PIK3C3: variants seen among roughly 807,000 people sequenced by gnomAD.
The protein encoded by PIK3C3 is phosphatidylinositol 3-kinase catalytic subunit type 3, also known as PI3-kinase type 3.
A neutral mutation model predicts 126.1 loss-of-function variants in PIK3C3; 95 were observed. The observed-to-expected ratio is 0.75, with a 90% CI of 0.64 to 0.89. PIK3C3 has a LOEUF of 0.89. PIK3C3 is among the 40% of genes least tolerant of loss of function. The pLI, the probability that PIK3C3 is intolerant of heterozygous loss-of-function variation, is 0.00. For missense variants in PIK3C3, 829 were observed against 1,063.2 expected, an observed-to-expected ratio of 0.78 and a Z score of 3.06; for synonymous variants, 374 against 360.0, an observed-to-expected ratio of 1.04 and a Z score of -0.44.
chr18:42,034,213 A>T lies in PIK3C3; in HGVS notation c.1839+256A>T, dbSNP rs145896195. 1.8e-3 allele frequency among the ~76,000 whole-genome samples: 271 copies of T among 151,932 alleles called. 3 individuals carry two copies. The highest frequency in any genetic ancestry group is 6.3e-3 in the African/African-American group (263 of 41,460). On this transcript the variant is annotated intron_variant, in intron 16 of 24. Transcript: ENST00000262039. The stretch of plus-strand genomic sequence containing the variant: ...TCTCTGGGTTGTTTTTTAATATTTA[A>T]TTTTTTTATTGTTTTATTTTTGTAG...
intron 4 of PIK3C3, among the ~76,000 whole-genome samples, chr18:41,976,303 CAT>C (rs1980918401): frequency 6.6e-6 from 1 of 151,618 alleles, no homozygotes; most frequent in South Asian, 2.1e-4. Flanking sequence ...GTTTTATGTA[CAT>C]GTAGAAGTCC....
chr18:42,006,715 G>C (rs111428207), intron 10 of PIK3C3, among the ~76,000 whole-genome samples: 11 of 152,172 alleles, frequency 7.2e-5, no homozygotes, highest in African/African-American at 2.6e-4. Flanking sequence ...ATAACAGCAT[G>C]ATATTTTACT....
chr18:42,015,165 A>G (rs1983013791), intron 11 of PIK3C3, among the ~76,000 whole-genome samples: 2 of 152,312 alleles, frequency 1.3e-5, no homozygotes, highest in Middle Eastern at 6.8e-3. Flanking sequence ...AATCTTGGCC[A>G]GATATGTTTG....
At chr18:42,021,190 T>G (rs1199870743) in intron 13 of PIK3C3, among the ~76,000 whole-genome samples, 1 of 152,186 alleles carries the variant, frequency 6.6e-6, no homozygotes, top group East Asian at 1.9e-4. Flanking sequence ...TCTACTGCTT[T>G]GCCATTTTCA....
At chr18:42,072,248 A>T (rs912055080) in intron 24 of PIK3C3, among the ~76,000 whole-genome samples, 3 of 152,168 alleles carry the variant, frequency 2.0e-5, no homozygotes, top group Admixed American at 6.5e-5. Flanking sequence ...CCAACTTTTT[A>T]AAAAATGGGA....
chr18:42,076,121 TGCGCATATATATATATATATATGCGC>T (rs1568013573), intron 24 of PIK3C3, among the ~76,000 whole-genome samples: 1 of 55,234 alleles, frequency 1.8e-5, no homozygotes, highest in Non-Finnish European at 3.5e-5. Flanking sequence ...TATATATATA[TGCGCATATATATATATATATATGCGC>T]ATATATATAT....
At position 41,955,237 on chromosome 18, in the gene PIK3C3, T is replaced by C. The variant is rs1241740528; in HGVS notation, c.-55T>C. 160 of 1,458,994 alleles carry C rather than the reference T, an allele frequency of 1.1e-4. No homozygotes were observed. Among genetic ancestry groups the C allele is most frequent in the Non-Finnish European group, 1.5e-4 (159 of 1,046,004 alleles). 90.4% of individuals were successfully genotyped at this position (1,458,994 alleles called of 1,614,324 possible). On this transcript the variant is annotated 5_prime_UTR_variant, in exon 1 of 25. Transcript: ENST00000262039. Reference sequence around the variant, plus strand: ...GTGGGGCTCAGCTGGTTCATTTATGTTGTTTTTCCTGTACCTAAGTTCCCG... The same window carrying C: ...GTGGGGCTCAGCTGGTTCATTTATGCTGTTTTTCCTGTACCTAAGTTCCCG...
chr18:41,986,678 A>G (rs190291594), intron 4 of PIK3C3, among the ~76,000 whole-genome samples: 4 of 152,074 alleles, frequency 2.6e-5, no homozygotes, highest in African/African-American at 4.8e-5. Context: ...TGTTGCTAGC[A>G]TATTTGTCTA....
chr18:42,037,871 T>C (rs774259678), intron 17 of PIK3C3, 51 bp downstream of exon 17: 16 of 1,524,382 alleles, frequency 1.0e-5, no homozygotes, highest in Non-Finnish European at 1.4e-5. Context: ...TTTGGAATAC[T>C]GTGGCTTAGT....
chr18:42,029,332 A>T lies in PIK3C3; in HGVS notation c.1598A>T (p.Lys533Met), dbSNP rs1361704345. ...RFSQALLKGD[K>M]SVRVMRSLLA... The stretch of plus-strand genomic sequence containing the variant: ...TCACTTTGAACCCTTCAGGGTGATA[A>T]GTCTGTCAGAGTTATGCGTTCTTTG... Residue 533 changes from lysine (K) to methionine (M), a missense_variant, in exon 15 of 25, where the codon AAG (lysine) becomes ATG (methionine). Lys to Met is a moderately conservative substitution (Grantham distance 95). This residue lies in a region of PIK3C3 where 256 missense variants were observed against 291.0 expected (regional missense o/e 0.88). Coordinates refer to ENST00000262039, the MANE Select transcript of PIK3C3 (RefSeq NM_002647.4). The T allele has an allele frequency of 1.2e-6, 2 of 1,611,520 alleles. No homozygotes were observed. The highest frequency in any genetic ancestry group is 1.7e-6 in the Non-Finnish European group (2 of 1,177,808).
chr18:42,048,847 T>C (rs1424979601), intron 20 of PIK3C3, among the ~76,000 whole-genome samples: 2 of 152,178 alleles, frequency 1.3e-5, no homozygotes, highest in African/African-American at 4.8e-5. Context: ...TGTTGTCAGG[T>C]TATTAATGGT....
intron 2 of PIK3C3, among the ~76,000 whole-genome samples, chr18:41,960,718 CT>C (rs775010219): frequency 8.0e-4 from 122 of 151,794 alleles, no homozygotes; most frequent in South Asian, 1.2e-3. Flanking sequence ...AGTTTTCAAA[CT>C]TTTTGACTGA....
In PIK3C3 at chr18:42,086,010, A is replaced by C. The variant is rs542714049; in HGVS notation, c.*4873A>C. The stretch of plus-strand genomic sequence containing the variant: ...GTGGTTCACACTTGTAATCACAGCT[A>C]CCTGGGAGGCTGAGGCAGGAGGATT... On this transcript the variant is annotated 3_prime_UTR_variant, in exon 25 of 25. Coordinates refer to ENST00000262039, the MANE Select transcript of PIK3C3 (RefSeq NM_002647.4). 6.6e-6 allele frequency: 1 copy of C among 152,392 alleles called. No homozygotes were observed. Among genetic ancestry groups the C allele is most frequent in the East Asian group, 1.9e-4 (1 of 5,176 alleles). The allele number at this position is 152,392 out of a possible 1,614,324, so 9.4% of individuals were successfully genotyped here.
At position 41,979,861 on chromosome 18, in the gene PIK3C3, A is replaced by G. The variant is rs188908803; in HGVS notation, c.532-7951A>G. 3.8e-3 allele frequency among the ~76,000 whole-genome samples: 530 copies of G among 139,426 alleles called. 2 individuals are homozygous for G. Among genetic ancestry groups the G allele is most frequent in the African/African-American group, 0.014 (497 of 35,920 alleles). The allele number at this position is 139,426 out of a possible 152,430, so 91.5% of individuals were successfully genotyped here. On this transcript the variant is annotated intron_variant, in intron 4 of 24. Coordinates refer to ENST00000262039, the MANE Select transcript of PIK3C3 (RefSeq NM_002647.4). ...CAGATCTCCATTATCTCTGCTAATT[A>G]TAGGAATCATGCCATTATTATTATT...
chr18:41,996,517 C>T (rs1242912576), intron 8 of PIK3C3, 121 bp from the exon 9 acceptor site: 1 of 465,892 alleles, frequency 2.1e-6, no homozygotes, highest in Non-Finnish European at 3.8e-6. Context: ...TTACATTTTC[C>T]TTGCTTGTGT....
Position 42,082,812 on chromosome 18 carries a change from G to A in PIK3C3, c.*1675G>A, listed in dbSNP as rs147071561. ...ATCCCAATAGCATCAACTTAACTCTGCTAACTGGAAGGCAAAAGTGTATCA... is the reference window on the plus strand; with the variant it reads ...ATCCCAATAGCATCAACTTAACTCTACTAACTGGAAGGCAAAAGTGTATCA... On this transcript the variant is annotated 3_prime_UTR_variant, in exon 25 of 25. Coordinates refer to ENST00000262039, the MANE Select transcript of PIK3C3 (RefSeq NM_002647.4). The A allele has an allele frequency of 8.5e-5, 13 of 152,278 alleles. No individual in the cohort carries two copies. The East Asian group carries it at 2.3e-3, about 27-fold the overall frequency. The allele number at this position is 152,278 out of a possible 1,614,324, so 9.4% of individuals were successfully genotyped here. A position where few individuals can be genotyped will look rare whatever the true frequency, so the allele number is the denominator to read the frequency against.
In PIK3C3 at chr18:42,033,860, A is replaced by C. The variant is rs772637947; in HGVS notation, c.1742A>C (p.Glu581Ala). The change falls in exon 16 of 25, where the codon GAA becomes GCA. Residue 581 changes from glutamate to alanine, a missense_variant. Physicochemically the swap from Glu to Ala is moderately radical, Grantham distance 107. This residue lies in a region of PIK3C3 where 256 missense variants were observed against 291.0 expected (regional missense o/e 0.88). Coordinates refer to ENST00000262039, the MANE Select transcript of PIK3C3 (RefSeq NM_002647.4). ...ERLQALLGDN[E>A]KMNLSDVELI... ...CTACAGGCATTGCTTGGAGATAATG[A>C]AAAGATGAATTTGTCAGATGTGGAA... 6.2e-7 allele frequency: 1 copy of C among 1,605,588 alleles called. No individual in the cohort carries two copies. The highest frequency in any genetic ancestry group is 8.5e-7 in the Non-Finnish European group (1 of 1,175,044).
Position 42,086,414 on chromosome 18 carries a change from G to A in PIK3C3, c.*5277G>A, listed in dbSNP as rs2144551500. On this transcript the variant is annotated 3_prime_UTR_variant, in exon 25 of 25. Transcript: ENST00000262039. ...AGCAACTCCATCTTGAGTAGGGACT[G>A]GGTATAATGAAGCTGAGACCCACTG... 2 of 152,276 alleles carry A rather than the reference G, an allele frequency of 1.3e-5. No homozygotes were observed. The highest frequency in any genetic ancestry group is 1.3e-4 in the Admixed American group (2 of 15,274). The allele number at this position is 152,276 out of a possible 1,614,324, so 9.4% of individuals were successfully genotyped here.
intron 2 of PIK3C3, among the ~76,000 whole-genome samples, chr18:41,959,848 C>T (rs1451853467): frequency 1.3e-5 from 2 of 152,096 alleles, no homozygotes; most frequent in African/African-American, 2.4e-5. Context: ...ACATTTTATA[C>T]ATCCTGCTCT....
Sources: allele counts gnomAD v4.1 joint callset (sites outside exome capture counted in the v4.1 genomes callset), GRCh38; gene constraint gnomAD v4.1.1; regional missense constraint gnomAD v4.1.1; transcripts MANE v1.5; gene names NCBI Gene and HGNC (gene_info 2026-07-23, HGNC 2026-07-21).